The following RPGR variants were observed in gnomAD, a reference collection of about 807,000 sequenced individuals.
RPGR encodes the protein X-linked retinitis pigmentosa GTPase regulator.
RPGR carries 10 observed loss-of-function variants against 56.3 expected under a neutral mutation model. The ratio of observed to expected loss-of-function variants is 0.18; its 90% CI spans 0.11 to 0.30. The LOEUF (loss-of-function observed/expected upper bound fraction) is 0.30, where lower values mean the gene tolerates loss of function less well. RPGR is among the 10% of genes least tolerant of loss of function. The pLI is 1.00. For missense variants in RPGR, 538 were observed against 590.9 expected (o/e 0.91, Z 0.93); for synonymous variants, 197 against 212.9 (o/e 0.93, Z 0.65).
At chrX:38,324,662 C>T (rs1308039780) in intron 1 of RPGR, among the ~76,000 whole-genome samples, 1 of 108,195 alleles carries the variant, frequency 9.2e-6, no homozygotes, top group Non-Finnish European at 1.9e-5. Context: ...CCTCTGTAAA[C>T]TCTTCCTCTA....
At chrX:38,277,037 A>G (rs1224950492) in intron 15 of RPGR, among the ~76,000 whole-genome samples, 1 of 110,720 alleles carries the variant, frequency 9.0e-6, no homozygotes, top group African/African-American at 3.3e-5. Flanking sequence ...TTACAATGGA[A>G]AAAAAAAATA....
intron 8 of RPGR, chrX:38,303,873 C>A: frequency 6.8e-6 from 2 of 294,802 alleles, no homozygotes; most frequent in Non-Finnish European, 1.2e-5. Context: ...CGTCAATACA[C>A]TAGATGATTT....
At chrX:38,270,084 C>T (rs2066810929) in intron 18 of RPGR, among the ~76,000 whole-genome samples, 1 of 111,422 alleles carries the variant, frequency 9.0e-6, no homozygotes, top group Admixed American at 9.5e-5. Context: ...TTGGTGATAT[C>T]TTTTTCTTCA....
In RPGR at chrX:38,287,902, T is replaced by A; in HGVS notation, c.1712A>T (p.Gln571Leu). Reference sequence around the variant, plus strand: ...AAATGCTTCGATAGTCGTAGCTGGCTGCGTCATGAAAATCCCTTGTGACAC... The same window carrying A: ...AAATGCTTCGATAGTCGTAGCTGGCAGCGTCATGAAAATCCCTTGTGACAC... Residue 571 changes from glutamine to leucine, a missense_variant, in exon 14 of 19, where the codon CAG (glutamine) becomes CTG (leucine). Transcript: ENST00000642395. 8.3e-7 allele frequency: 1 copy of A among 1,211,525 alleles called. No individual in the cohort carries two copies.
chrX:38,274,151 C>T (rs962358101), intron 17 of RPGR, among the ~76,000 whole-genome samples: 4 of 111,978 alleles, frequency 3.6e-5, no homozygotes, highest in Non-Finnish European at 7.5e-5. Context: ...AATCATACTG[C>T]CGTGTGATGG....
chrX:38,316,572 G>A (rs1423622250), intron 6 of RPGR, among the ~76,000 whole-genome samples: 1 of 111,912 alleles, frequency 8.9e-6, no homozygotes, highest in Non-Finnish European at 1.9e-5. Context: ...GGTAGGTAGT[G>A]TTGCCTCAAG....
At chrX:38,319,427 T>C (rs2067889383) in intron 4 of RPGR, among the ~76,000 whole-genome samples, 1 of 112,251 alleles carries the variant, frequency 8.9e-6, no homozygotes, top group African/African-American at 3.2e-5. Flanking sequence ...AAGAATCTAA[T>C]TAGAAACATG....
At chrX:38,307,996 T>C (rs1007720521) in intron 7 of RPGR, 1 of 112,091 alleles carries the variant, frequency 8.9e-6, no homozygotes, top group Non-Finnish European at 1.9e-5. Flanking sequence ...TTTTTTAAAC[T>C]CAAATTTTAG....
intron 11 of RPGR, among the ~76,000 whole-genome samples, chrX:38,291,972 T>C (rs1259750044): frequency 8.9e-6 from 1 of 111,808 alleles, no homozygotes; most frequent in African/African-American, 3.3e-5. Context: ...TCTGGCTCTC[T>C]TGCTCTCTCT....
intron 7 of RPGR, among the ~76,000 whole-genome samples, chrX:38,308,520 A>C (rs1325929577): frequency 9.0e-6 from 1 of 111,288 alleles, no homozygotes; most frequent in Admixed American, 9.6e-5. Context: ...ACACTATTAT[A>C]CAATCAACAT....
At chrX:38,280,471 C>G (rs981384544) in intron 15 of RPGR, among the ~76,000 whole-genome samples, 4 of 111,016 alleles carry the variant, frequency 3.6e-5, no homozygotes, top group Non-Finnish European at 7.5e-5. Flanking sequence ...AGCCTCAGCT[C>G]AGCTTCAGGT....
chrX:38,306,240 A>T (rs2067597700), intron 7 of RPGR, among the ~76,000 whole-genome samples: 1 of 112,226 alleles, frequency 8.9e-6, no homozygotes, highest in Non-Finnish European at 1.9e-5. Flanking sequence ...AACATTCATT[A>T]TTACTAGCTG....
chrX:38,297,148 T>A (rs1239629172), intron 11 of RPGR, 136 bp downstream of exon 11: 1 of 650,082 alleles, frequency 1.5e-6, no homozygotes, highest in Non-Finnish European at 2.4e-6. Context: ...GGATTTGAGT[T>A]CAAATGAGTG....
At chrX:38,279,801 C>A (rs1349654701) in intron 15 of RPGR, among the ~76,000 whole-genome samples, 1 of 110,787 alleles carries the variant, frequency 9.0e-6, no homozygotes, top group African/African-American at 3.3e-5. Flanking sequence ...GAATTTCTGA[C>A]ATGCTTCAAT....
intron 4 of RPGR, among the ~76,000 whole-genome samples, chrX:38,320,144 A>G (rs372068310): frequency 1.8e-5 from 2 of 108,854 alleles, no homozygotes; most frequent in East Asian, 5.7e-4. Flanking sequence ...ACTTAATGGG[A>G]TCTCAAGAAA....
intron 8 of RPGR, among the ~76,000 whole-genome samples, chrX:38,304,236 G>A (rs2067554791): frequency 8.9e-6 from 1 of 111,985 alleles, no homozygotes; most frequent in Non-Finnish European, 1.9e-5. Context: ...GACTCGGCCT[G>A]AATGCAGCTC....
chrX:38,313,669 C>T (rs1244720870), intron 6 of RPGR, among the ~76,000 whole-genome samples: 3 of 111,572 alleles, frequency 2.7e-5, no homozygotes, highest in Non-Finnish European at 5.6e-5. Flanking sequence ...CGCAGCATCA[C>T]CTTGAATAAA....
intron 7 of RPGR, among the ~76,000 whole-genome samples, chrX:38,308,898 A>G (rs1419677330): frequency 8.9e-6 from 1 of 111,814 alleles, no homozygotes; most frequent in African/African-American, 3.2e-5. Context: ...AGAAAAAAAC[A>G]TAAAGATAAA....
chrX:38,273,818 A>AT (rs2066883766), intron 17 of RPGR: 1 of 143,538 alleles, frequency 7.0e-6, no homozygotes, highest in African/African-American at 3.1e-5. Flanking sequence ...TGGACATGCT[A>AT]TTTTTTGGTG....
Sources: allele counts gnomAD v4.1 joint callset (sites outside exome capture counted in the v4.1 genomes callset), GRCh38; gene constraint gnomAD v4.1.1; transcripts MANE v1.5; gene names NCBI Gene and HGNC (gene_info 2026-07-23, HGNC 2026-07-21).